FHIT: variants seen among roughly 807,000 people sequenced by gnomAD.
FHIT encodes the protein fragile histidine triad diadenosine triphosphatase.
A neutral mutation model predicts 17.9 loss-of-function variants in FHIT; 19 were observed. The ratio of observed to expected loss-of-function variants is 1.06; its 90% confidence interval spans 0.74 to 1.56. The LOEUF (loss-of-function observed/expected upper bound fraction) is 1.56, where lower values mean the gene tolerates loss of function less well. Ranked by LOEUF, FHIT falls within the 40% of genes most tolerant of loss-of-function variation. The pLI is 0.00. For synonymous variants in FHIT, 81 were observed against 69.7 expected, an observed-to-expected ratio of 1.16 and a Z score of -0.81; for missense variants, 248 against 189.2, an observed-to-expected ratio of 1.31 and a Z score of -1.82.
intron 5 of FHIT, among the ~76,000 whole-genome samples, chr3:60,198,510 G>A (rs1033425756): frequency 6.6e-6 from 1 of 151,762 alleles, no homozygotes; most frequent in Non-Finnish European, 1.5e-5. Context: ...CTTCCCAGGT[G>A]AGATATGCAA....
At chr3:60,149,785 C>A (rs546406169) in intron 5 of FHIT, among the ~76,000 whole-genome samples, 2 of 151,516 alleles carry the variant, frequency 1.3e-5, no homozygotes, top group East Asian at 2.0e-4. Context: ...GCCCCTACCC[C>A]CCTACCCCCC....
At chr3:60,715,485 A>G (rs898063671) in intron 4 of FHIT, among the ~76,000 whole-genome samples, 3 of 152,006 alleles carry the variant, frequency 2.0e-5, no homozygotes, top group African/African-American at 4.8e-5. Flanking sequence ...CATGGATGAA[A>G]TTGGAAATCA....
intron 5 of FHIT, among the ~76,000 whole-genome samples, chr3:60,074,174 C>A (rs1021236462): frequency 1.3e-5 from 2 of 152,050 alleles, no homozygotes; most frequent in South Asian, 2.1e-4. Flanking sequence ...CCCACAGACA[C>A]AAGAATCAGA....
chr3:60,630,534 C>T (rs1183901109), intron 4 of FHIT, among the ~76,000 whole-genome samples: 2 of 152,204 alleles, frequency 1.3e-5, no homozygotes, highest in Non-Finnish European at 2.9e-5. Flanking sequence ...AAAGGAGTCA[C>T]TGTACCACCA....
At chr3:60,183,323 A>C (rs1576269022) in intron 5 of FHIT, among the ~76,000 whole-genome samples, 1 of 152,270 alleles carries the variant, frequency 6.6e-6, no homozygotes, top group Admixed American at 6.5e-5. Flanking sequence ...ACTTGAACCC[A>C]GGAGGCAGAG....
At chr3:60,070,260 G>T (rs1702706838) in intron 5 of FHIT, among the ~76,000 whole-genome samples, 1 of 152,138 alleles carries the variant, frequency 6.6e-6, no homozygotes, top group Non-Finnish European at 1.5e-5. Flanking sequence ...TTAATCCCAA[G>T]ATATGATGAT....
chr3:60,211,329 C>G (rs901125254), intron 5 of FHIT, among the ~76,000 whole-genome samples: 2 of 151,642 alleles, frequency 1.3e-5, no homozygotes, highest in African/African-American at 2.4e-5. Flanking sequence ...ATTTAATAAA[C>G]AGAGTAAGTA....
chr3:60,101,116 G>A (rs867646446), intron 5 of FHIT, among the ~76,000 whole-genome samples: 4 of 152,148 alleles, frequency 2.6e-5, no homozygotes, highest in Non-Finnish European at 5.9e-5. Flanking sequence ...CTGACCTGCC[G>A]GCCCCCGCTC....
chr3:61,167,689 G>C (rs1343934809), intron 2 of FHIT, among the ~76,000 whole-genome samples: 1 of 147,524 alleles, frequency 6.8e-6, no homozygotes, highest in African/African-American at 2.5e-5. Flanking sequence ...AAAAGGAAAA[G>C]AAAGGACAGG....
At chr3:59,916,629 T>C (rs1374940659) in intron 8 of FHIT, among the ~76,000 whole-genome samples, 1 of 152,208 alleles carries the variant, frequency 6.6e-6, no homozygotes, top group Non-Finnish European at 1.5e-5. Context: ...TTGAGGAACA[T>C]AGAGATTTAG....
chr3:60,265,508 G>T (rs1706525837), intron 5 of FHIT, among the ~76,000 whole-genome samples: 1 of 151,670 alleles, frequency 6.6e-6, no homozygotes, highest in South Asian at 2.1e-4. Flanking sequence ...ATTACACAGG[G>T]GTCTCTTAGC....
At chr3:59,934,216 C>G (rs1183239276) in intron 7 of FHIT, among the ~76,000 whole-genome samples, 1 of 152,102 alleles carries the variant, frequency 6.6e-6, no homozygotes, top group Non-Finnish European at 1.5e-5. Flanking sequence ...TAGATATAAT[C>G]CAAATTATTA....
chr3:60,772,473 A>C (rs9842407), intron 4 of FHIT, among the ~76,000 whole-genome samples: 1 of 151,852 alleles, frequency 6.6e-6, no homozygotes, highest in Non-Finnish European at 1.5e-5. Flanking sequence ...CATCATCTTT[A>C]TAAATGTTGT....
intron 3 of FHIT, among the ~76,000 whole-genome samples, chr3:60,878,372 T>C: frequency 6.6e-6 from 1 of 152,038 alleles, no homozygotes; most frequent in Non-Finnish European, 1.5e-5. Flanking sequence ...TTGTAGGCCA[T>C]GTAAGAGGGA....
chr3:59,986,526 T>A (rs796535571), intron 7 of FHIT, among the ~76,000 whole-genome samples: 747 of 3,490 alleles, frequency 0.21, 12 homozygotes, highest in East Asian at 0.45. Context: ...TATATATATA[T>A]ATATATATAT....
In FHIT at chr3:61,109,487, C is replaced by A. The variant is rs77267425; in HGVS notation, c.-163-67388G>T. Among the ~76,000 whole-genome samples the A allele has an allele frequency of 9.3e-3, 1,417 of 152,096 alleles. 23 individuals are homozygous for A. Among genetic ancestry groups the A allele is most frequent in the African/African-American group, 0.033 (1,352 of 41,466 alleles). ...GTGCTAAGTAAATATGCCATATAAA[C>A]TGCATGTTTTTTGCAAGTTGCCTGG... On this transcript the variant is annotated intron_variant, in intron 2 of 9. Coordinates refer to ENST00000492590, the MANE Select transcript of FHIT (RefSeq NM_002012.4).
intron 1 of FHIT, among the ~76,000 whole-genome samples, chr3:61,210,514 C>G (rs943005124): frequency 7.2e-5 from 11 of 152,228 alleles, no homozygotes; most frequent in Admixed American, 1.3e-4. Context: ...GGCAGGCGCC[C>G]CTCCCCCAGC....
At chr3:60,383,850 A>C (rs1380665051) in intron 5 of FHIT, among the ~76,000 whole-genome samples, 1 of 152,150 alleles carries the variant, frequency 6.6e-6, no homozygotes, top group Non-Finnish European at 1.5e-5. Context: ...ATCAACCTTT[A>C]AATACTGTTG....
At chr3:60,207,613 G>A (rs151243515) in intron 5 of FHIT, among the ~76,000 whole-genome samples, 21 of 152,242 alleles carry the variant, frequency 1.4e-4, no homozygotes, top group Admixed American at 1.4e-3. Flanking sequence ...TAATATGGCG[G>A]TGATGAGAAC....
Sources: allele counts gnomAD v4.1 joint callset (sites outside exome capture counted in the v4.1 genomes callset), GRCh38; gene constraint gnomAD v4.1.1; transcripts MANE v1.5; gene names NCBI Gene and HGNC (gene_info 2026-07-23, HGNC 2026-07-21).